Variants in HTT-AS observed in about 807,000 individuals in gnomAD.
The protein encoded by HTT-AS is HTT antisense RNA, also known as HTT antisense RNA (head to head).
At chr4:3,060,047 G>C (rs1419816139) in intron 2 of HTT-AS, among the ~76,000 whole-genome samples, 1 of 151,636 alleles carries the variant, frequency 6.6e-6, no homozygotes, top group African/African-American at 2.4e-5. Flanking sequence ...TCGGTCTCCT[G>C]AGTAGCTGTG....
chr4:3,062,597 C>G (rs1711954584), exon 2 of HTT-AS, among the ~76,000 whole-genome samples: 1 of 152,110 alleles, frequency 6.6e-6, no homozygotes, highest in South Asian at 2.1e-4. Flanking sequence ...CTTCACTTCT[C>G]CTGTGCGCTG....
intron 1 of HTT-AS, among the ~76,000 whole-genome samples, chr4:3,073,720 GGGGGT>G (rs1463072940): frequency 1.3e-5 from 2 of 152,346 alleles, no homozygotes; most frequent in Non-Finnish European, 1.5e-5. Context: ...CCAGCTCACT[GGGGGT>G]GGGGTGGGGG....
At chr4:3,049,542 T>TA (rs1205210849) in exon 3 of HTT-AS, among the ~76,000 whole-genome samples, 1 of 152,180 alleles carries the variant, frequency 6.6e-6, no homozygotes, top group Non-Finnish European at 1.5e-5. Context: ...GGCTTTACCT[T>TA]AAAGGTTCCA....
intron 2 of HTT-AS, among the ~76,000 whole-genome samples, chr4:3,052,235 TG>T (rs1711715714): frequency 6.6e-6 from 1 of 152,238 alleles, no homozygotes; most frequent in Non-Finnish European, 1.5e-5. Context: ...TGTCTTGAAT[TG>T]CCTTTCTCAG....
chr4:3,074,559 G>T (rs1341544793), upstream of HTT-AS: 2 of 347,758 alleles, frequency 5.8e-6, no homozygotes, highest in Non-Finnish European at 5.0e-6. Context: ...TGGTTCCCTG[G>T]CCAGCCATTG....
intron 1 of HTT-AS, among the ~76,000 whole-genome samples, chr4:3,071,879 C>G (rs1413133746): frequency 6.6e-6 from 1 of 152,126 alleles, no homozygotes; most frequent in Non-Finnish European, 1.5e-5. Context: ...TTGCCAACAC[C>G]TTCATCTCGG....
At chr4:3,047,698 T>C (rs1049537805), downstream of HTT-AS, among the ~76,000 whole-genome samples, 1 of 152,102 alleles carries the variant, frequency 6.6e-6, no homozygotes, top group African/African-American at 2.4e-5. Context: ...TGCTCCACCA[T>C]CTCTTGTGGA....
At chr4:3,051,653 TA>T (rs35425809) in intron 2 of HTT-AS, among the ~76,000 whole-genome samples, 67,214 of 145,794 alleles carry the variant, frequency 0.46, 15,550 homozygotes, top group South Asian at 0.69. Flanking sequence ...TTGAATGAAT[TA>T]AAAAAAAAAA....
exon 3 of HTT-AS, among the ~76,000 whole-genome samples, chr4:3,049,096 A>G (rs1395758629): frequency 1.3e-5 from 2 of 152,300 alleles, no homozygotes; most frequent in East Asian, 1.9e-4. Context: ...TCTATTATTC[A>G]TAGAGGCATA....
At chr4:3,059,600 CTTTT>C (rs1221573296) in intron 2 of HTT-AS, among the ~76,000 whole-genome samples, 11 of 147,466 alleles carry the variant, frequency 7.5e-5, no homozygotes, top group African/African-American at 2.7e-4. Context: ...TTTTTTTTTT[CTTTT>C]TTTGAGACAG....
intron 2 of HTT-AS, among the ~76,000 whole-genome samples, chr4:3,062,018 GAGAGA>G (rs1273575523): frequency 2.1e-5 from 3 of 146,166 alleles, no homozygotes; most frequent in Non-Finnish European, 4.5e-5. Flanking sequence ...AAAAAAGAGA[GAGAGA>G]ATATGCATCT....
At chr4:3,054,949 G>A (rs1198388244) in intron 2 of HTT-AS, among the ~76,000 whole-genome samples, 5 of 151,830 alleles carry the variant, frequency 3.3e-5, no homozygotes, top group Non-Finnish European at 7.4e-5. Flanking sequence ...TCCTGACCTC[G>A]TGATCTGCCC....
At chr4:3,064,199 G>A (rs1285252243) in intron 1 of HTT-AS, among the ~76,000 whole-genome samples, 1 of 151,150 alleles carries the variant, frequency 6.6e-6, no homozygotes, top group Non-Finnish European at 1.5e-5. Context: ...AGGTTCAAGT[G>A]ATTCTCCTGC....
intron 2 of HTT-AS, among the ~76,000 whole-genome samples, chr4:3,054,096 C>A (rs1045431654): frequency 6.6e-6 from 1 of 151,982 alleles, no homozygotes; most frequent in Admixed American, 6.6e-5. Flanking sequence ...ACTGCTTTGA[C>A]TTTTCTAAAT....
At chr4:3,074,081 C>T (rs1311709692) in intron 1 of HTT-AS, among the ~76,000 whole-genome samples, 3 of 144,954 alleles carry the variant, frequency 2.1e-5, no homozygotes, top group Non-Finnish European at 3.1e-5. Flanking sequence ...CGCGCCCCAC[C>T]CCTCCCTCGC....
intron 2 of HTT-AS, among the ~76,000 whole-genome samples, chr4:3,059,459 T>C (rs1226080304): frequency 3.3e-5 from 5 of 152,314 alleles, no homozygotes; most frequent in Non-Finnish European, 7.4e-5. Flanking sequence ...AACATACCAA[T>C]GGTGCACCAA....
chr4:3,047,595 A>C (rs544329564), downstream of HTT-AS, among the ~76,000 whole-genome samples: 7 of 152,286 alleles, frequency 4.6e-5, no homozygotes, highest in Non-Finnish European at 1.0e-4. Context: ...AGTGGTAATG[A>C]CAGTGCCTGG....
chr4:3,051,455 G>A lies in HTT-AS; in HGVS notation n.1381-1757C>T, dbSNP rs557518101. Among the ~76,000 whole-genome samples, 22 of 152,080 alleles carry A rather than the reference G, an allele frequency of 1.4e-4. 1 individual carries two copies. The South Asian group carries it at 4.6e-3, about 32-fold the overall frequency. ...AAAAGTTGAGAGGCTTTTGCCTGTG[G>A]TTCAATGAAACAAAAAAAGATCATT... is the stretch of plus-strand genomic sequence containing the variant. On this transcript the variant is annotated intron_variant and non_coding_transcript_variant, in intron 2 of 2. Transcript: ENST00000664062.
At chr4:3,054,155 T>A (rs1049701811) in intron 2 of HTT-AS, among the ~76,000 whole-genome samples, 11 of 152,004 alleles carry the variant, frequency 7.2e-5, no homozygotes, top group African/African-American at 2.7e-4. Flanking sequence ...CCTGCGGACA[T>A]GTGGAATTAG....
Sources: gnomAD v4.1 joint callset for allele counts (sites outside exome capture counted in the v4.1 genomes callset) on GRCh38, gnomAD v4.1.1 for gene constraint, MANE v1.5 for transcripts, NCBI Gene and HGNC (gene_info 2026-07-23, HGNC 2026-07-21) for gene names.